The following PSMA1 variants were observed in gnomAD, a reference collection of about 807,000 sequenced individuals.
PSMA1 encodes proteasome subunit alpha type-1.
Under a neutral mutation model 38.4 loss-of-function variants are expected in PSMA1, and 3 were observed. The observed-to-expected ratio is 0.08, with a 90% CI of 0.04 to 0.20. The LOEUF (loss-of-function observed/expected upper bound fraction) is 0.20, where lower values mean the gene tolerates loss of function less well. Among genes scored for constraint, PSMA1 ranks in the 10% least tolerant of loss-of-function variants. The probability of loss-of-function intolerance (pLI) is 1.00; values close to 1 mark genes in which losing one functional copy is unlikely to be tolerated. For synonymous variants in PSMA1, 101 were observed against 107.1 expected (o/e 0.94, Z 0.35); for missense variants, 227 against 325.3 (o/e 0.70, Z 2.32).
intron 2 of PSMA1, among the ~76,000 whole-genome samples, chr11:14,594,333 C>G (rs1189267182): frequency 6.6e-6 from 1 of 152,100 alleles, no homozygotes; most frequent in African/African-American, 2.4e-5. Flanking sequence ...GGAAGGAGCA[C>G]TACAACAGTG....
intron 1 of PSMA1, among the ~76,000 whole-genome samples, chr11:14,616,131 G>C (rs2134201036): frequency 6.6e-6 from 1 of 151,936 alleles, no homozygotes; most frequent in East Asian, 1.9e-4. Context: ...ATCCAGTAAA[G>C]AGCCAAGAAC....
rs943229442 is a variant in PSMA1, at chr11:14,605,249, G to A, written c.21+5717C>T. Among the ~76,000 whole-genome samples, 6 of 152,080 alleles carry A rather than the reference G, an allele frequency of 3.9e-5. No homozygotes were observed. The East Asian group carries it at 1.2e-3, about 29-fold the overall frequency. ...ACTTTTAATAATAGCCATTATGACT[G>A]GTGTGAGATGGTATATCACTGCAGT... On this transcript the variant is annotated intron_variant, in intron 2 of 10. Coordinates refer to the PSMA1 transcript ENST00000418988.
At chr11:14,585,692 G>A (rs532048030) in intron 2 of PSMA1, among the ~76,000 whole-genome samples, 15 of 152,158 alleles carry the variant, frequency 9.9e-5, no homozygotes, top group African/African-American at 2.9e-4. Context: ...TCTTTTATTC[G>A]CCCCTCCTAC....
At chr11:14,536,695 T>C (rs1851713124) in intron 2 of PSMA1, among the ~76,000 whole-genome samples, 2 of 152,040 alleles carry the variant, frequency 1.3e-5, no homozygotes, top group Non-Finnish European at 1.5e-5. Flanking sequence ...TATCGCAAGC[T>C]CCGCCTCCTG....
chr11:14,606,160 T>C (rs1852640178), intron 2 of PSMA1, among the ~76,000 whole-genome samples: 1 of 152,236 alleles, frequency 6.6e-6, no homozygotes, highest in Admixed American at 6.5e-5. Flanking sequence ...CTTATTTTTG[T>C]CAACTTTGTT....
chr11:14,539,797 C>A (rs1357101387), intron 2 of PSMA1, among the ~76,000 whole-genome samples: 1 of 151,264 alleles, frequency 6.6e-6, no homozygotes. Context: ...TGCAGTGAGC[C>A]GAGATTGCGC....
At chr11:14,631,520 G>T (rs1477144873) in intron 1 of PSMA1, among the ~76,000 whole-genome samples, 1 of 152,084 alleles carries the variant, frequency 6.6e-6, no homozygotes, top group Non-Finnish European at 1.5e-5. Context: ...ATTGCACTGT[G>T]GTCTGAGAGA....
intron 1 of PSMA1, among the ~76,000 whole-genome samples, chr11:14,634,027 C>A (rs539551573): frequency 2.6e-5 from 4 of 152,142 alleles, no homozygotes; most frequent in Non-Finnish European, 5.9e-5. Flanking sequence ...CACTGACCTG[C>A]GCCCACTGTC....
chr11:14,586,005 A>G (rs1192277120), intron 2 of PSMA1, among the ~76,000 whole-genome samples: 1 of 152,218 alleles, frequency 6.6e-6, no homozygotes, highest in Non-Finnish European at 1.5e-5. Flanking sequence ...AAAATTTACA[A>G]TCTTGCCACC....
At chr11:14,566,877 T>C (rs974120233) in intron 2 of PSMA1, among the ~76,000 whole-genome samples, 15 of 151,754 alleles carry the variant, frequency 9.9e-5, no homozygotes, top group African/African-American at 3.4e-4. Context: ...AGAGAGTCAA[T>C]GGCTGGGTCT....
chr11:14,553,321 A>G lies in PSMA1; in HGVS notation c.22-34280T>C, dbSNP rs1478617187. 7.2e-5 allele frequency among the ~76,000 whole-genome samples: 11 copies of G among 152,166 alleles called. No homozygotes were observed. In the East Asian group the frequency reaches 2.1e-3, roughly 29 times the overall value. On this transcript the variant is annotated intron_variant, in intron 2 of 10. Transcript: ENST00000418988. ...TGGTACAATCCATTGAATTTATTCA[A>G]ATTTCACCAGTTTTTACCTATACTC...
chr11:14,637,776 T>C (rs1312246189), intron 1 of PSMA1, among the ~76,000 whole-genome samples: 1 of 152,210 alleles, frequency 6.6e-6, no homozygotes, highest in Non-Finnish European at 1.5e-5. Flanking sequence ...TTAACATCCC[T>C]GTAGCATTTG....
At chr11:14,564,784 CTT>C (rs199728530) in intron 2 of PSMA1, among the ~76,000 whole-genome samples, 4 of 142,640 alleles carry the variant, frequency 2.8e-5, no homozygotes, top group African/African-American at 5.1e-5. Context: ...TTCTTTCTTT[CTT>C]TTTTTTTTTT....
intron 2 of PSMA1, among the ~76,000 whole-genome samples, chr11:14,571,048 T>C (rs1456758517): frequency 6.6e-6 from 1 of 152,120 alleles, no homozygotes; most frequent in Non-Finnish European, 1.5e-5. Context: ...TGGGGGCCAA[T>C]AGTCAACATT....
intron 2 of PSMA1, among the ~76,000 whole-genome samples, chr11:14,552,784 C>T (rs1851900005): frequency 6.6e-6 from 1 of 151,288 alleles, no homozygotes; most frequent in Admixed American, 6.6e-5. Flanking sequence ...AACTTTAATC[C>T]CTAATTAATG....
chr11:14,524,605 C>A (rs941800804), upstream of PSMA1, among the ~76,000 whole-genome samples: 20 of 152,286 alleles, frequency 1.3e-4, no homozygotes, highest in South Asian at 3.9e-3. Flanking sequence ...TCTTTTTGGA[C>A]TCAGCCCGTC....
Position 14,507,736 on chromosome 11 carries a change from A to G in PSMA1, c.655T>C (p.Leu219=), listed in dbSNP as rs777859364. The G allele has an allele frequency of 1.2e-6, 2 of 1,612,298 alleles. No individual in the cohort carries two copies. Among genetic ancestry groups the G allele is most frequent in the South Asian group, 2.2e-5 (2 of 91,030 alleles). ...TCATCATCATAGATTGTAAACTCCAAGTCTTTACCAACAATTCCAATGGAA... is the reference window on the plus strand; with the variant it reads ...TCATCATCATAGATTGTAAACTCCAGGTCTTTACCAACAATTCCAATGGAA... ...NVSIGIVGKD[L]EFTIYDDDDV... The change falls in exon 9 of 10, where the codon TTG becomes CTG. Residue 219 remains leucine (L), a synonymous_variant. Transcript: ENST00000396394.
At chr11:14,520,619 G>C (rs1851513899), upstream of PSMA1, 1 of 616,822 alleles carries the variant, frequency 1.6e-6, no homozygotes, top group Non-Finnish European at 2.6e-6. Context: ...TGTGTATGGC[G>C]GATTCCCTCC....
intron 2 of PSMA1, among the ~76,000 whole-genome samples, chr11:14,593,665 C>T (rs1383090679): frequency 7.9e-6 from 1 of 126,472 alleles, no homozygotes; most frequent in Non-Finnish European, 1.8e-5. Flanking sequence ...AGAGAGAGCG[C>T]CAGCCCTAAT....
Sources: allele counts gnomAD v4.1 joint callset (sites outside exome capture counted in the v4.1 genomes callset), GRCh38; gene constraint gnomAD v4.1.1; transcripts MANE v1.5; gene names NCBI Gene and HGNC (gene_info 2026-07-23, HGNC 2026-07-21).